Variants in MCU observed in about 807,000 individuals in gnomAD.
MCU encodes mitochondrial calcium uniporter, also known as calcium uniporter protein, mitochondrial.
MCU carries 12 observed loss-of-function variants against 45.2 expected under a neutral mutation model. That is an observed-to-expected ratio of 0.27 (90% CI 0.17 to 0.43). The LOEUF (loss-of-function observed/expected upper bound fraction) is 0.43, where lower values mean the gene tolerates loss of function less well. Ranked by LOEUF, MCU falls within the 20% of genes least tolerant of loss-of-function variation. The probability of loss-of-function intolerance (pLI) is 1.00; values close to 1 mark genes in which losing one functional copy is unlikely to be tolerated. For synonymous variants in MCU, 160 were observed against 165.1 expected (o/e 0.97, Z 0.24); for missense variants, 324 against 436.7 (o/e 0.74, Z 2.30).
chr10:72,792,079 G>A (rs1844169309), intron 1 of MCU, among the ~76,000 whole-genome samples: 1 of 152,190 alleles, frequency 6.6e-6, no homozygotes, highest in Admixed American at 6.5e-5. Flanking sequence ...TTACTTGCCT[G>A]GAGCAGCAAA....
At chr10:72,747,952 T>C (rs1208126530) in intron 1 of MCU, among the ~76,000 whole-genome samples, 1 of 151,488 alleles carries the variant, frequency 6.6e-6, no homozygotes, top group African/African-American at 2.4e-5. Context: ...TAATATATTT[T>C]ATTTAACATA....
chr10:72,821,907 C>A (rs895995271), intron 1 of MCU, among the ~76,000 whole-genome samples: 1 of 152,180 alleles, frequency 6.6e-6, no homozygotes, highest in African/African-American at 2.4e-5. Flanking sequence ...AGAGTATGTT[C>A]TCTAACCACA....
At chr10:72,706,633 G>A (rs943290360) in intron 1 of MCU, among the ~76,000 whole-genome samples, 2 of 151,900 alleles carry the variant, frequency 1.3e-5, no homozygotes, top group Non-Finnish European at 2.9e-5. Context: ...CACTTCCTGG[G>A]TTCAAGCGAT....
intron 5 of MCU, among the ~76,000 whole-genome samples, chr10:72,869,897 T>G (rs1220275235): frequency 1.3e-5 from 2 of 152,214 alleles, no homozygotes; most frequent in African/African-American, 2.4e-5. Context: ...CTATATAGAT[T>G]TAATTTGCCA....
chr10:72,838,589 C>G (rs543545225), intron 2 of MCU, among the ~76,000 whole-genome samples: 1 of 152,112 alleles, frequency 6.6e-6, no homozygotes, highest in Non-Finnish European at 1.5e-5. Context: ...TGAGCTTTGA[C>G]TGCTCACTGC....
At chr10:72,703,642 C>T (rs1348158650) in intron 1 of MCU, among the ~76,000 whole-genome samples, 4 of 152,168 alleles carry the variant, frequency 2.6e-5, no homozygotes, top group East Asian at 1.9e-4. Flanking sequence ...TGGTGGCTCA[C>T]ACCTGTAATC....
intron 1 of MCU, among the ~76,000 whole-genome samples, chr10:72,697,897 A>G (rs1589421294): frequency 6.6e-6 from 1 of 151,976 alleles, no homozygotes; most frequent in African/African-American, 2.4e-5. Flanking sequence ...CCTCTTGAGT[A>G]GCTGGGTATA....
Position 72,827,118 on chromosome 10 carries a change from ATAGT to A in MCU, c.151-7237_151-7234del, listed in dbSNP as rs1025120977. On this transcript the variant is annotated intron_variant, in intron 1 of 7. Transcript: ENST00000373053. ...CATATCCCTCACAGATAACGGGGGA[ATAGT>A]TAGAGTTTCTGTTCCCATGGAGTTT... is the stretch of plus-strand genomic sequence containing the variant. 1.3e-5 allele frequency among the ~76,000 whole-genome samples: 2 copies of A among 152,142 alleles called. 1 individual carries two copies. The highest frequency in any genetic ancestry group is 4.8e-5 in the African/African-American group (2 of 41,438).
chr10:72,701,231 A>T (rs1013073804), intron 1 of MCU, among the ~76,000 whole-genome samples: 3 of 152,200 alleles, frequency 2.0e-5, no homozygotes. Flanking sequence ...TATAGAAGAA[A>T]CCATCTAAGA....
intron 1 of MCU, among the ~76,000 whole-genome samples, chr10:72,711,533 T>C (rs972326832): frequency 1.7e-4 from 26 of 150,098 alleles, no homozygotes; most frequent in Admixed American, 4.6e-4. Flanking sequence ...TTTTTTTTTT[T>C]CCCTCTTAAT....
intron 2 of MCU, among the ~76,000 whole-genome samples, chr10:72,858,286 A>G (rs974490103): frequency 3.3e-5 from 5 of 152,214 alleles, no homozygotes; most frequent in African/African-American, 1.2e-4. Flanking sequence ...TCCCGTGTAC[A>G]AAAAATGGCT....
In MCU at chr10:72,721,124, A is replaced by G. The variant is rs147013246; in HGVS notation, c.150+28823A>G. The G allele has an allele frequency of 1.5e-3, 228 of 154,298 alleles. 3 individuals are homozygous for G. In the Middle Eastern group the frequency reaches 0.016, roughly 11 times the overall value. 9.6% of individuals were successfully genotyped at this position (154,298 alleles called of 1,614,324 possible). A position where few individuals can be genotyped will look rare whatever the true frequency, so the allele number is the denominator to read the frequency against. Reference sequence around the variant, plus strand: ...CATGCTAACAATGTATCTCACCTAGATTATATTAACAGCTTTCTAATTAGT... The same window carrying G: ...CATGCTAACAATGTATCTCACCTAGGTTATATTAACAGCTTTCTAATTAGT... On this transcript the variant is annotated intron_variant, in intron 1 of 7. Transcript: ENST00000373053.
chr10:72,806,267 C>G (rs953400627), intron 1 of MCU, among the ~76,000 whole-genome samples: 2 of 150,750 alleles, frequency 1.3e-5, no homozygotes, highest in Non-Finnish European at 2.9e-5. Flanking sequence ...AAGCAATTCT[C>G]CTGCCTCATC....
At chr10:72,712,513 T>C (rs971155540) in intron 1 of MCU, 1 of 152,186 alleles carries the variant, frequency 6.6e-6, no homozygotes, top group African/African-American at 2.4e-5. Context: ...AATTCATTGT[T>C]TCTTTTCTGT....
chr10:72,793,320 T>C (rs1844195960), intron 1 of MCU, among the ~76,000 whole-genome samples: 1 of 152,040 alleles, frequency 6.6e-6, no homozygotes. Flanking sequence ...TGAAACCACT[T>C]AAAAAGAGAG....
At chr10:72,791,694 C>T (rs1175539374) in intron 1 of MCU, among the ~76,000 whole-genome samples, 1 of 152,098 alleles carries the variant, frequency 6.6e-6, no homozygotes, top group East Asian at 1.9e-4. Flanking sequence ...TGCAACTAAT[C>T]TGAATAATTA....
At chr10:72,826,454 G>A (rs1844799900) in intron 1 of MCU, among the ~76,000 whole-genome samples, 1 of 152,156 alleles carries the variant, frequency 6.6e-6, no homozygotes, top group Non-Finnish European at 1.5e-5. Flanking sequence ...TAAGAAGGAA[G>A]TTTTATCTCA....
At chr10:72,773,641 C>A (rs907517093) in intron 1 of MCU, among the ~76,000 whole-genome samples, 3 of 151,996 alleles carry the variant, frequency 2.0e-5, no homozygotes, top group African/African-American at 7.2e-5. Context: ...AAGTCTGTGC[C>A]AAACAGATTA....
intron 1 of MCU, chr10:72,760,538 CTTTTG>C (rs1843639669): frequency 6.6e-6 from 1 of 151,226 alleles, no homozygotes; most frequent in African/African-American, 2.4e-5. Context: ...TTTTGGTTTT[CTTTTG>C]TTTTTAGAGA....
Sources: allele counts gnomAD v4.1 joint callset (sites outside exome capture counted in the v4.1 genomes callset), GRCh38; gene constraint gnomAD v4.1.1; transcripts MANE v1.5; gene names NCBI Gene and HGNC (gene_info 2026-07-23, HGNC 2026-07-21).